Variants in CTSC observed in about 807,000 individuals in gnomAD.
CTSC encodes the protein cathepsin C, also known as dipeptidyl peptidase 1.
CTSC carries 37 observed loss-of-function variants against 40.9 expected under a neutral mutation model. That is an observed-to-expected ratio of 0.91 (90% CI 0.70 to 1.19). The LOEUF (loss-of-function observed/expected upper bound fraction) is 1.19. Among genes scored for constraint, CTSC ranks in the 50% most tolerant of loss-of-function variants. The pLI is 0.00. For missense variants in CTSC, 594 were observed against 567.3 expected (o/e 1.05, Z -0.48); for synonymous variants, 232 against 207.4 (o/e 1.12, Z -1.02).
intron 4 of CTSC, among the ~76,000 whole-genome samples, chr11:88,305,857 CAT>C (rs1937626099): frequency 6.6e-6 from 1 of 152,180 alleles, no homozygotes; most frequent in Admixed American, 6.5e-5. Flanking sequence ...TCCTCAGAAA[CAT>C]AGCATATGAC....
At chr11:88,309,812 GCGCACACACA>G (rs1467213657) in intron 3 of CTSC, among the ~76,000 whole-genome samples, 51 of 108,060 alleles carry the variant, frequency 4.7e-4, no homozygotes, top group African/African-American at 1.4e-3. Flanking sequence ...ATATGTATGC[GCGCACACACA>G]CACACACACA....
At chr11:88,295,892 G>A (rs965734305) in intron 6 of CTSC, among the ~76,000 whole-genome samples, 1 of 152,080 alleles carries the variant, frequency 6.6e-6, no homozygotes, top group Non-Finnish European at 1.5e-5. Context: ...GCATTGTTAG[G>A]CAATATATGT....
At chr11:88,319,581 AAATCAT>A (rs2134795962) in intron 2 of CTSC, among the ~76,000 whole-genome samples, 1 of 152,290 alleles carries the variant, frequency 6.6e-6, no homozygotes, top group South Asian at 2.1e-4. Flanking sequence ...TTTGGCAACA[AAATCAT>A]AATAATGAAG....
In CTSC at chr11:88,312,472, C is replaced by T; in HGVS notation, c.401G>A (p.Trp134Ter). ...GWVHDVLGRN[W>*]ACFTGKKVGT... Reference sequence around the variant, plus strand: ...CACCTTCTTTCCGGTGAAACAAGCCCAGTTCCGGCCCAACACATCATGCAC... The same window carrying T: ...CACCTTCTTTCCGGTGAAACAAGCCTAGTTCCGGCCCAACACATCATGCAC... The change falls in exon 3 of 7, where the codon TGG becomes TAG. Residue 134 changes from tryptophan to a stop codon, truncating the protein, a stop_gained. Coordinates refer to ENST00000227266, the MANE Select transcript of CTSC (RefSeq NM_001814.6). LOFTEE classifies it high-confidence loss of function. 3 of 1,614,176 alleles carry T rather than the reference C, an allele frequency of 1.9e-6. No homozygotes were observed. The highest frequency in any genetic ancestry group is 1.7e-5 in the Admixed American group (1 of 60,012).
intron 2 of CTSC, among the ~76,000 whole-genome samples, chr11:88,331,774 G>A (rs1938364495): frequency 6.6e-6 from 1 of 152,150 alleles, no homozygotes; most frequent in African/African-American, 2.4e-5. Context: ...CTTCTGCTAT[G>A]GTATGGGGCA....
chr11:88,303,197 A>G (rs1944387890), intron 4 of CTSC, among the ~76,000 whole-genome samples: 1 of 152,198 alleles, frequency 6.6e-6, no homozygotes, highest in Non-Finnish European at 1.5e-5. Context: ...TCTGTGATCA[A>G]ATGCATGTGG....
chr11:88,326,453 A>G, intron 2 of CTSC: 1 of 1,585,430 alleles, frequency 6.3e-7, no homozygotes, highest in Non-Finnish European at 8.7e-7. Flanking sequence ...ACTACAAGAC[A>G]ATAAAAACTA....
Position 88,335,021 on chromosome 11 carries a change from A to G in CTSC, c.234T>C (p.Leu78=), listed in dbSNP as rs778989416. 5.6e-6 allele frequency: 9 copies of G among 1,608,544 alleles called. No homozygotes were observed. Among genetic ancestry groups the G allele is most frequent in the African/African-American group, 1.3e-5 (1 of 74,776 alleles). The change falls in exon 2 of 7, where the codon CTT becomes CTC. Residue 78 remains leucine (L), a synonymous_variant. Transcript: ENST00000227266. ...LQKLDTAYDD[L]GNSGHFTIIY... ...TGATGGTGAAATGGCCAGAATTGCC[A>G]AGGTCATCATATGCTGTATCCAGCT...
intron 2 of CTSC, among the ~76,000 whole-genome samples, chr11:88,317,248 T>A (rs1323763065): frequency 6.6e-6 from 1 of 152,248 alleles, no homozygotes; most frequent in African/African-American, 2.4e-5. Context: ...ATTACAGGCA[T>A]GATCCACCAC....
chr11:88,310,804 ATATTT>A (rs1251348950), intron 3 of CTSC, among the ~76,000 whole-genome samples: 1 of 152,260 alleles, frequency 6.6e-6, no homozygotes, highest in African/African-American at 2.4e-5. Flanking sequence ...GCAAAAGAAT[ATATTT>A]TAAATTGTAA....
intron 2 of CTSC, chr11:88,327,788 T>C (rs1035265758): frequency 2.8e-6 from 1 of 357,126 alleles, no homozygotes. Flanking sequence ...TTTACGAATG[T>C]GAACTGAACT....
chr11:88,312,166 C>A (rs948543415), intron 3 of CTSC, among the ~76,000 whole-genome samples: 13 of 152,126 alleles, frequency 8.5e-5, no homozygotes, highest in Admixed American at 5.9e-4. Context: ...TACATGATTT[C>A]ATTTAAAGTA....
At chr11:88,300,749 G>A in intron 4 of CTSC, 104 bp from the exon 5 acceptor site, 1 of 774,940 alleles carries the variant, frequency 1.3e-6, no homozygotes, top group Admixed American at 2.0e-5. Context: ...AGACTAGCTA[G>A]GATCTAGATT....
intron 2 of CTSC, among the ~76,000 whole-genome samples, chr11:88,331,605 T>C (rs574379900): frequency 1.3e-5 from 2 of 152,302 alleles, no homozygotes; most frequent in East Asian, 3.9e-4. Flanking sequence ...CAGAATTCCC[T>C]CAAATCTGTT....
intron 5 of CTSC, chr11:88,299,617 G>C (rs1297194285): frequency 6.6e-6 from 1 of 152,146 alleles, no homozygotes; most frequent in African/African-American, 2.4e-5. Flanking sequence ...GGCAGAGACT[G>C]ATTATCACTA....
intron 2 of CTSC, chr11:88,325,899 T>G (rs891381975): frequency 1.0e-6 from 1 of 988,896 alleles, no homozygotes. Flanking sequence ...AAGGGCCTTA[T>G]TTTCTCCTTA....
intron 2 of CTSC, chr11:88,322,553 T>C (rs1431085357): frequency 6.6e-6 from 1 of 152,088 alleles, no homozygotes; most frequent in Non-Finnish European, 1.5e-5. Flanking sequence ...AAGAGAAGAA[T>C]CAAACAGACA....
intron 5 of CTSC, 70 bp from the exon 6 acceptor site, chr11:88,296,334 T>C: frequency 6.3e-7 from 1 of 1,584,180 alleles, no homozygotes; most frequent in Non-Finnish European, 8.7e-7. Flanking sequence ...GCAAAAACCT[T>C]AGTGAATCAC....
chr11:88,294,497 C>T lies in CTSC; in HGVS notation c.901G>A (p.Gly301Ser), dbSNP rs104894214. ...CSQYAQGCEG[G>S]FPYLIAGKYA... ...TTTCCTGCAATAAGGTATGGGAAGC[C>T]GCCTTCACAGCCTGAAGATGAATAA... The change falls in exon 7 of 7, where the codon GGC becomes AGC. Residue 301 changes from glycine to serine, a missense_variant. Coordinates refer to ENST00000227266, the MANE Select transcript of CTSC (RefSeq NM_001814.6). 2.4e-5 allele frequency: 38 copies of T among 1,613,958 alleles called. No individual in the cohort carries two copies. The highest frequency in any genetic ancestry group is 1.6e-4 in the East Asian group (7 of 44,886).
Sources: allele counts gnomAD v4.1 joint callset (sites outside exome capture counted in the v4.1 genomes callset), GRCh38; gene constraint gnomAD v4.1.1; transcripts MANE v1.5; gene names NCBI Gene and HGNC (gene_info 2026-07-23, HGNC 2026-07-21).